PRMT8: variants seen among roughly 807,000 people sequenced by gnomAD.
PRMT8 encodes protein arginine N-methyltransferase 8.
In PRMT8, 7 loss-of-function variants were observed where a neutral mutation model predicts 47.1. That is an observed-to-expected ratio of 0.15 (90% CI 0.08 to 0.28). The LOEUF is 0.28. Among genes scored for constraint, PRMT8 ranks in the 10% least tolerant of loss-of-function variants. The probability of loss-of-function intolerance (pLI) is 1.00; values close to 1 mark genes in which losing one functional copy is unlikely to be tolerated. For synonymous variants in PRMT8, 188 were observed against 186.5 expected (o/e 1.01, Z -0.07); for missense variants, 237 against 505.4 (o/e 0.47, Z 5.09).
intron 4 of PRMT8, among the ~76,000 whole-genome samples, chr12:3,568,072 C>CAA (rs148436679): frequency 0.015 from 1,570 of 102,696 alleles, 31 homozygotes; most frequent in African/African-American, 0.048. Context: ...AACTCCGTCT[C>CAA]AAAAAAAAAA....
At position 3,483,246 on chromosome 12, in the gene PRMT8, C is replaced by T. The variant is rs117718569; in HGVS notation, c.49-57360C>T. ...CCTGATGATACCAGGCTCCCTCTCC[C>T]GTCTGCGAGGCCCTAGGCAGAAAGA... On this transcript the variant is annotated intron_variant, in intron 1 of 9. Transcript: ENST00000452611. Among the ~76,000 whole-genome samples the T allele has an allele frequency of 1.8e-4, 28 of 152,318 alleles. No individual in the cohort carries two copies. In the East Asian group the frequency reaches 3.3e-3, roughly 18 times the overall value.
At position 3,469,214 on chromosome 12, in the gene PRMT8, G is replaced by C. The variant is rs183417851; in HGVS notation, c.49-71392G>C. On this transcript the variant is annotated intron_variant, in intron 1 of 9. Coordinates refer to the PRMT8 transcript ENST00000452611. ...AGCAAAGTAGTCAGGAACAGATCTA[G>C]TGAAGCCAGCAAGGACCAAACACCC... 3.0e-3 allele frequency: 1,408 copies of C among 473,482 alleles called. 6 individuals carry two copies. Among genetic ancestry groups the C allele is most frequent in the Non-Finnish European group, 3.4e-3 (829 of 240,340 alleles). 29.3% of individuals were successfully genotyped at this position (473,482 alleles called of 1,614,324 possible). A position where few individuals can be genotyped will look rare whatever the true frequency, so the allele number is the denominator to read the frequency against.
intron 1 of PRMT8, among the ~76,000 whole-genome samples, chr12:3,534,083 G>T (rs564466267): frequency 6.6e-6 from 1 of 152,362 alleles, no homozygotes; most frequent in East Asian, 1.9e-4. Flanking sequence ...AAAGAGTGGG[G>T]TGAGGCCCAG....
At chr12:3,400,559 C>T (rs550785674) in intron 1 of PRMT8, among the ~76,000 whole-genome samples, 9 of 152,302 alleles carry the variant, frequency 5.9e-5, no homozygotes, top group Admixed American at 4.6e-4. Flanking sequence ...GAGGGATTCA[C>T]AGCTGAATTC....
At chr12:3,450,321 T>C (rs1864903281) in intron 1 of PRMT8, among the ~76,000 whole-genome samples, 1 of 152,254 alleles carries the variant, frequency 6.6e-6, no homozygotes, top group African/African-American at 2.4e-5. Flanking sequence ...TATGAGATTT[T>C]GTAACATCGT....
At chr12:3,426,364 CA>C (rs1312738093) in intron 1 of PRMT8, among the ~76,000 whole-genome samples, 1 of 152,094 alleles carries the variant, frequency 6.6e-6, no homozygotes, top group Non-Finnish European at 1.5e-5. Flanking sequence ...TAGGAAACTA[CA>C]AAAAATGGTG....
intron 4 of PRMT8, among the ~76,000 whole-genome samples, chr12:3,561,886 C>T (rs1163679310): frequency 2.6e-5 from 4 of 152,172 alleles, no homozygotes; most frequent in Non-Finnish European, 5.9e-5. Flanking sequence ...TTGTGGGGAT[C>T]GCATAGTTGC....
At chr12:3,431,299 C>CAGAGAG (rs34606620) in intron 1 of PRMT8, among the ~76,000 whole-genome samples, 127 of 150,644 alleles carry the variant, frequency 8.4e-4, no homozygotes, top group African/African-American at 2.9e-3. Context: ...AGAGTGGGCA[C>CAGAGAG]AGAGAGAGAG....
At chr12:3,463,099 A>G (rs1168108236) in intron 1 of PRMT8, 1 of 152,232 alleles carries the variant, frequency 6.6e-6, no homozygotes, top group African/African-American at 2.4e-5. Flanking sequence ...ACAAACATCC[A>G]AATTATATCC....
At chr12:3,512,644 A>G (rs552509251) in intron 1 of PRMT8, among the ~76,000 whole-genome samples, 4 of 152,218 alleles carry the variant, frequency 2.6e-5, no homozygotes, top group African/African-American at 9.6e-5. Flanking sequence ...GTTTACGTCC[A>G]TCTCCTTCTC....
At chr12:3,506,593 G>A (rs144702174) in intron 1 of PRMT8, among the ~76,000 whole-genome samples, 46 of 152,260 alleles carry the variant, frequency 3.0e-4, no homozygotes, top group Non-Finnish European at 5.6e-4. Flanking sequence ...CGCACTCCAG[G>A]CTCACTCCCA....
chr12:3,465,657 A>G (rs1319172920), intron 1 of PRMT8, among the ~76,000 whole-genome samples: 1 of 152,186 alleles, frequency 6.6e-6, no homozygotes, highest in Non-Finnish European at 1.5e-5. Flanking sequence ...GGGGAGTGCC[A>G]TGATCACCTG....
upstream of PRMT8, among the ~76,000 whole-genome samples, chr12:3,487,229 A>C (rs1865331176): frequency 6.6e-6 from 1 of 152,154 alleles, no homozygotes; most frequent in African/African-American, 2.4e-5. Flanking sequence ...GCCATATGTG[A>C]ACCCTGGCCA....
At chr12:3,575,441 A>C (rs189536383) in intron 6 of PRMT8, among the ~76,000 whole-genome samples, 158 of 152,370 alleles carry the variant, frequency 1.0e-3, no homozygotes, top group African/African-American at 3.7e-3. Flanking sequence ...GAAACTAAAG[A>C]GTCTGCTAAA....
chr12:3,505,386 G>A (rs1865606087), intron 1 of PRMT8, among the ~76,000 whole-genome samples: 1 of 152,184 alleles, frequency 6.6e-6, no homozygotes. Context: ...ATAGTTGCAA[G>A]TCCGAGAAAG....
At chr12:3,398,055 C>T (rs1864277804) in intron 1 of PRMT8, among the ~76,000 whole-genome samples, 2 of 152,220 alleles carry the variant, frequency 1.3e-5, no homozygotes, top group Non-Finnish European at 2.9e-5. Flanking sequence ...ATGCCTCGCC[C>T]TGCTTCGGCT....
rs778629778 is a variant in PRMT8, at chr12:3,552,737, C to T, written c.418-914C>T. 4.0e-5 allele frequency: 19 copies of T among 479,002 alleles called. No individual in the cohort carries two copies. Among genetic ancestry groups the T allele is most frequent in the African/African-American group, 7.8e-5 (4 of 51,050 alleles). The allele number at this position is 479,002 out of a possible 1,614,324, so 29.7% of individuals were successfully genotyped here. A position where few individuals can be genotyped will look rare whatever the true frequency, so the allele number is the denominator to read the frequency against. Reference sequence around the variant, plus strand: ...CCCTTCCTCAAGGCGTGGCCAGAGGCGTCAGAAACTCCCTCAGTGCCCCTT... The same window carrying T: ...CCCTTCCTCAAGGCGTGGCCAGAGGTGTCAGAAACTCCCTCAGTGCCCCTT... On this transcript the variant is annotated intron_variant, in intron 3 of 9. Coordinates refer to ENST00000382622, the MANE Select transcript of PRMT8 (RefSeq NM_019854.5). The surrounding 1 kb of genome is among the most constrained non-coding windows in gnomAD (Gnocchi z 4.5).
chr12:3,489,944 T>G (rs551621635), upstream of PRMT8, among the ~76,000 whole-genome samples: 1 of 152,286 alleles, frequency 6.6e-6, no homozygotes, highest in Admixed American at 6.5e-5. Flanking sequence ...CTTAGTGCAA[T>G]GTATCCTCTC....
chr12:3,433,942 A>G (rs1864709871), intron 1 of PRMT8, among the ~76,000 whole-genome samples: 1 of 152,238 alleles, frequency 6.6e-6, no homozygotes, highest in Non-Finnish European at 1.5e-5. Context: ...GTTGCATGAA[A>G]AAGTGAGATG....
Sources: gnomAD v4.1 joint callset for allele counts (sites outside exome capture counted in the v4.1 genomes callset) on GRCh38, gnomAD v4.1.1 for gene constraint, Gnocchi (gnomAD v3.1) non-coding constraint, MANE v1.5 for transcripts, NCBI Gene and HGNC (gene_info 2026-07-23, HGNC 2026-07-21) for gene names.